SDK1: variants seen among roughly 807,000 people sequenced by gnomAD.
SDK1 encodes the protein protein sidekick-1.
Under a neutral mutation model 245.5 loss-of-function variants are expected in SDK1, and 157 were observed. That is an observed-to-expected ratio of 0.64 (90% CI 0.56 to 0.73). The LOEUF is 0.73. Among genes scored for constraint, SDK1 ranks in the 30% least tolerant of loss-of-function variants. The pLI, the probability that SDK1 is intolerant of heterozygous loss-of-function variation, is 0.00. For synonymous variants in SDK1, 1,647 were observed against 1,278.5 expected (o/e 1.29, Z -6.15); for missense variants, 3,583 against 3,002.3 (o/e 1.19, Z -4.52).
intron 1 of SDK1, among the ~76,000 whole-genome samples, chr7:3,434,527 T>C (rs1478192310): frequency 2.1e-4 from 32 of 152,216 alleles, no homozygotes; most frequent in Admixed American, 2.1e-3. Context: ...TTTTTCATTT[T>C]AATCCTCACA....
At chr7:3,763,052 A>T (rs1218238705) in intron 4 of SDK1, among the ~76,000 whole-genome samples, 1 of 152,152 alleles carries the variant, frequency 6.6e-6, no homozygotes, top group African/African-American at 2.4e-5. Context: ...TCAGTACCCT[A>T]TCCTGTGTCA....
intron 1 of SDK1, among the ~76,000 whole-genome samples, chr7:3,522,379 T>C (rs897667980): frequency 7.8e-4 from 119 of 152,306 alleles, no homozygotes; most frequent in African/African-American, 2.8e-3. Context: ...GAAATTCCAG[T>C]CTTTAATTCG....
chr7:3,905,734 A>G (rs556320647), intron 5 of SDK1, among the ~76,000 whole-genome samples: 1 of 151,872 alleles, frequency 6.6e-6, no homozygotes, highest in East Asian at 1.9e-4. Flanking sequence ...GCAATCTTCT[A>G]GACTCAGCCT....
intron 4 of SDK1, among the ~76,000 whole-genome samples, chr7:3,719,279 C>T (rs943689139): frequency 1.3e-5 from 2 of 148,168 alleles, no homozygotes; most frequent in African/African-American, 5.0e-5. Flanking sequence ...AGGTACTAGA[C>T]CTAGACAGTC....
At chr7:4,037,103 C>A (rs577166414) in intron 17 of SDK1, among the ~76,000 whole-genome samples, 1 of 152,306 alleles carries the variant, frequency 6.6e-6, no homozygotes, top group African/African-American at 2.4e-5. Context: ...TCTTGCAAAA[C>A]TCTTTGGACA....
chr7:3,520,638 A>G (rs912443322), intron 1 of SDK1, among the ~76,000 whole-genome samples: 6 of 151,008 alleles, frequency 4.0e-5, no homozygotes, highest in African/African-American at 1.2e-4. Context: ...CAGTTTGGCT[A>G]TGGTAATCTC....
At chr7:3,373,113 A>G (rs1379023383) in intron 1 of SDK1, among the ~76,000 whole-genome samples, 2 of 152,218 alleles carry the variant, frequency 1.3e-5, no homozygotes, top group African/African-American at 2.4e-5. Context: ...CTATGTCCTT[A>G]TAAACTGATA....
chr7:3,501,934 C>G (rs1488354498), intron 1 of SDK1, among the ~76,000 whole-genome samples: 1 of 152,072 alleles, frequency 6.6e-6, no homozygotes, highest in Non-Finnish European at 1.5e-5. Context: ...AATGTTTTAT[C>G]CTCCTAGACC....
chr7:4,061,628 CTGGGTA>C (rs1779545358), intron 19 of SDK1, among the ~76,000 whole-genome samples: 1 of 152,118 alleles, frequency 6.6e-6, no homozygotes, highest in East Asian at 1.9e-4. Flanking sequence ...CATCCCATTA[CTGGGTA>C]TATACCCAAA....
At chr7:3,644,783 AAAAAAAAAAC>A (rs1297270434) in intron 4 of SDK1, among the ~76,000 whole-genome samples, 43 of 141,790 alleles carry the variant, frequency 3.0e-4, no homozygotes, top group African/African-American at 1.0e-3. Flanking sequence ...CAAAAAAAAA[AAAAAAAAAAC>A]AAAAAACAAC....
At chr7:3,889,722 A>G (rs1484977086) in intron 5 of SDK1, among the ~76,000 whole-genome samples, 1 of 152,066 alleles carries the variant, frequency 6.6e-6, no homozygotes, top group African/African-American at 2.4e-5. Flanking sequence ...GTTAGCCAGG[A>G]TGGTCTCAAT....
chr7:3,912,199 G>GT (rs1459508387), intron 5 of SDK1, among the ~76,000 whole-genome samples: 5 of 152,206 alleles, frequency 3.3e-5, no homozygotes, highest in African/African-American at 1.2e-4. Context: ...AGAGGACTCC[G>GT]TAATAGAGAG....
At chr7:3,577,503 C>T (rs1174131094) in intron 1 of SDK1, among the ~76,000 whole-genome samples, 2 of 151,950 alleles carry the variant, frequency 1.3e-5, no homozygotes, top group Non-Finnish European at 2.9e-5. Context: ...TCATGCTCTT[C>T]CCTCTTTCTT....
chr7:4,000,902 C>T (rs1185793582), intron 14 of SDK1, among the ~76,000 whole-genome samples: 2 of 152,080 alleles, frequency 1.3e-5, no homozygotes, highest in African/African-American at 2.4e-5. Flanking sequence ...CAGTACCTGT[C>T]AGAGGTGTTT....
intron 1 of SDK1, among the ~76,000 whole-genome samples, chr7:3,525,174 C>T (rs1783079223): frequency 6.6e-6 from 1 of 151,888 alleles, no homozygotes; most frequent in Non-Finnish European, 1.5e-5. Context: ...GGGACTTGAG[C>T]ATCTGAGGTT....
chr7:3,312,144 A>G (rs1779565596), intron 1 of SDK1, among the ~76,000 whole-genome samples: 1 of 152,220 alleles, frequency 6.6e-6, no homozygotes, highest in Non-Finnish European at 1.5e-5. Context: ...ATTGCACCTC[A>G]TAATTGGGGT....
chr7:4,193,312 A>G (rs1369710177), intron 35 of SDK1, among the ~76,000 whole-genome samples: 2 of 135,766 alleles, frequency 1.5e-5, no homozygotes, highest in African/African-American at 2.9e-5. Context: ...AAATATTAAT[A>G]TATTTATACA....
intron 4 of SDK1, among the ~76,000 whole-genome samples, chr7:3,725,281 T>C (rs748830620): frequency 1.3e-5 from 2 of 152,048 alleles, no homozygotes; most frequent in Admixed American, 6.5e-5. Flanking sequence ...TTTCATGAGA[T>C]CCAAAGCACA....
chr7:3,684,421 G>A (rs1221559102), intron 4 of SDK1, among the ~76,000 whole-genome samples: 1 of 152,186 alleles, frequency 6.6e-6, no homozygotes, highest in East Asian at 1.9e-4. Flanking sequence ...AGAGGAGTCA[G>A]TGCTTCCCTT....
Sources: gnomAD v4.1 joint callset for allele counts (sites outside exome capture counted in the v4.1 genomes callset) on GRCh38, gnomAD v4.1.1 for gene constraint, MANE v1.5 for transcripts, NCBI Gene and HGNC (gene_info 2026-07-23, HGNC 2026-07-21) for gene names.